The following RTEL1 variants were observed in gnomAD, a reference collection of about 807,000 sequenced individuals.
RTEL1 encodes the protein regulator of telomere length.
RTEL1 carries 86 observed loss-of-function variants against 162.2 expected under a neutral mutation model. The observed-to-expected ratio is 0.53, with a 90% confidence interval of 0.45 to 0.63. RTEL1 has a LOEUF of 0.63. Among genes scored for constraint, RTEL1 ranks in the 30% least tolerant of loss-of-function variants. The pLI is 0.00. For missense variants in RTEL1, 1,941 were observed against 1,750.2 expected, an observed-to-expected ratio of 1.11 and a Z score of -1.95; for synonymous variants, 958 against 717.9, an observed-to-expected ratio of 1.33 and a Z score of -5.35.
chr20:63,670,704 C>T (rs2090221688), intron 8 of RTEL1, among the ~76,000 whole-genome samples: 1 of 152,068 alleles, frequency 6.6e-6, no homozygotes, highest in Admixed American at 6.5e-5. Flanking sequence ...TCATATGTGG[C>T]CAGGCTCAGT....
rs751106916 is a variant in RTEL1 at position 63,692,880 on chromosome 20, G to C, written c.2728G>C (p.Ala910Pro). 1.2e-6 allele frequency: 2 copies of C among 1,612,666 alleles called. No individual in the cohort carries two copies. Among genetic ancestry groups the C allele is most frequent in the Non-Finnish European group, 1.7e-6 (2 of 1,179,862 alleles). ...MVAVKQELSQ[A>P]NFATFTQALQ... Reference sequence around the variant, plus strand: ...GGCCGTGAAGCAGGAGTTGAGCCAAGCCAACTTTGCCACCTTCACCCAGGC... The same window carrying C: ...GGCCGTGAAGCAGGAGTTGAGCCAACCCAACTTTGCCACCTTCACCCAGGC... Residue 910 changes from alanine (A) to proline (P), a missense_variant, in exon 29 of 35, where the codon GCC (alanine) becomes CCC (proline). By Grantham distance (27) the Ala-to-Pro change is conservative. Coordinates refer to ENST00000360203, the MANE Select transcript of RTEL1 (RefSeq NM_001283009.2).
At chr20:63,672,524 C>G (rs1227795184) in intron 8 of RTEL1, 32 bp from the exon 9 acceptor site, 1 of 1,538,724 alleles carries the variant, frequency 6.5e-7, no homozygotes, top group Non-Finnish European at 8.8e-7. Context: ...TCTGTGAGCT[C>G]CAGCGCTGCG....
At position 63,688,309 on chromosome 20, in the gene RTEL1, G is replaced by A. The variant is rs1408202470; in HGVS notation, c.1645G>A (p.Ala549Thr). ...SSLGKALGNI[A>T]RVVPYGLLIF... ...GGCCCCTGCACTTCCAGGCAACATC[G>A]CCCGCGTGGTGCCCTATGGGCTCCT... is the stretch of plus-strand genomic sequence containing the variant. The change falls in exon 20 of 35, where the codon GCC (alanine) becomes ACC (threonine). Residue 549 changes from alanine (A) to threonine (T), a missense_variant. Ala to Thr is a moderately conservative substitution (Grantham distance 58, BLOSUM62 0). Coordinates refer to ENST00000360203, the MANE Select transcript of RTEL1 (RefSeq NM_001283009.2). The A allele has an allele frequency of 3.7e-6, 6 of 1,612,244 alleles. No homozygotes were observed. Among genetic ancestry groups the A allele is most frequent in the East Asian group, 4.5e-5 (2 of 44,892 alleles).
At position 63,695,977 on chromosome 20, in the gene RTEL1, T is replaced by G. The variant is rs925174548; in HGVS notation, c.*119T>G. 1.9e-6 allele frequency: 2 copies of G among 1,028,984 alleles called. No homozygotes were observed. Among genetic ancestry groups the G allele is most frequent in the Non-Finnish European group, 2.8e-6 (2 of 712,206 alleles). The allele number at this position is 1,028,984 out of a possible 1,614,324, so 63.7% of individuals were successfully genotyped here. On this transcript the variant is annotated 3_prime_UTR_variant, in exon 35 of 35. Transcript: ENST00000360203. ...GCCCATGCCAGCCGGCTTGGCCCGC[T>G]GCAGGCCTCAGGCAGGCGGGGCCCA...
chr20:63,674,176 C>T lies in RTEL1; in HGVS notation c.919+83C>T. 3.3e-6 allele frequency: 5 copies of T among 1,522,760 alleles called. No individual in the cohort carries two copies. The South Asian group carries it at 6.4e-5, about 20-fold the overall frequency. 94.3% of individuals were successfully genotyped at this position (1,522,760 alleles called of 1,614,324 possible). A position where few individuals can be genotyped will look rare whatever the true frequency, so the allele number is the denominator to read the frequency against. On this transcript the variant is annotated intron_variant, in intron 10 of 34. Transcript: ENST00000360203. ...CACCCGGAGTTCAGCACGGACTCCC[C>T]CAGCCCAGGTGCGTTCATAGCCAGG...
At chr20:63,690,241 T>C in intron 25 of RTEL1, 31 bp downstream of exon 25, 1 of 1,608,398 alleles carries the variant, frequency 6.2e-7, no homozygotes, top group Non-Finnish European at 8.5e-7. Context: ...GGGATGAGGG[T>C]GTTGTCCCCA....
At chr20:63,693,483 A>ACCACCACCACCTCCACCT (rs2090843638) in intron 30 of RTEL1, among the ~76,000 whole-genome samples, 200 bp downstream of exon 30, 1 of 35,850 alleles carries the variant, frequency 2.8e-5, no homozygotes, top group East Asian at 7.4e-4. Flanking sequence ...CTCCACCTCC[A>ACCACCACCACCTCCACCT]CCACCACCTC....
Position 63,692,975 on chromosome 20 carries a change from G to C in RTEL1, c.2823G>C (p.Glu941Asp), listed in dbSNP as rs61736614. The C allele has an allele frequency of 6.2e-3, 9,951 of 1,612,596 alleles. 515 individuals are homozygous for C. The African/African-American group carries it at 0.11, about 18-fold the overall frequency. Residue 941 changes from glutamate (E) to aspartate (D), a missense_variant, in exon 29 of 35, where the codon GAG (glutamate) becomes GAC (aspartate). Coordinates refer to ENST00000360203, the MANE Select transcript of RTEL1 (RefSeq NM_001283009.2). ...CCTGTCTCGGCCCCCTCTTTGCTGA[G>C]GACCCCAAGAAGCACAACCTGCTCC... is the stretch of plus-strand genomic sequence containing the variant. ...LAACLGPLFA[E>D]DPKKHNLLQG...
intron 34 of RTEL1, 27 bp from the exon 35 acceptor site, chr20:63,695,751 G>C (rs111967860): frequency 1.3e-6 from 2 of 1,590,278 alleles, no homozygotes; most frequent in Admixed American, 3.5e-5. Context: ...CCTGGCAGAC[G>C]TGTGCAGTGG....
chr20:63,688,100 G>C (rs1046545209), intron 18 of RTEL1, 39 bp from the exon 19 acceptor site: 1 of 1,612,330 alleles, frequency 6.2e-7, no homozygotes, highest in South Asian at 1.1e-5. Flanking sequence ...GGGGAGCACT[G>C]AGGCCTGAGG....
chr20:63,659,915 A>C (rs1009253668), intron 2 of RTEL1, among the ~76,000 whole-genome samples: 1 of 152,230 alleles, frequency 6.6e-6, no homozygotes, highest in African/African-American at 2.4e-5. Context: ...CAGGACAGCA[A>C]GGTGATAGTG....
chr20:63,695,234 C>T lies in RTEL1; in HGVS notation c.3499+13C>T, dbSNP rs776151813. The T allele has an allele frequency of 7.5e-6, 12 of 1,609,420 alleles. No individual in the cohort carries two copies. The highest frequency in any genetic ancestry group is 1.7e-5 in the Admixed American group (1 of 59,884). On this transcript the variant is annotated intron_variant, in intron 33 of 34. Transcript: ENST00000360203. ...GCTCCCCAACCAGGTAGGGCACCTG[C>T]CTGGCTGCTCCTGGCAGCGCCCCAA...
At chr20:63,681,747 C>T in intron 14 of RTEL1, 2 of 985,330 alleles carry the variant, frequency 2.0e-6, no homozygotes, top group Non-Finnish European at 1.2e-6. Flanking sequence ...CTCAGCCCTC[C>T]CTCCACTGTG....
intron 9 of RTEL1, among the ~76,000 whole-genome samples, 199 bp downstream of exon 9, chr20:63,672,820 G>A (rs554924194): frequency 6.6e-6 from 1 of 152,336 alleles, no homozygotes; most frequent in Admixed American, 6.5e-5. Context: ...AGACTGGCCA[G>A]CTGGGCCAGG....
At position 63,682,236 on chromosome 20, in the gene RTEL1, A is replaced by C. The variant is rs1049638518; in HGVS notation, c.1191+1517A>C. 4 of 985,418 alleles carry C rather than the reference A, an allele frequency of 4.1e-6. No homozygotes were observed. The African/African-American group carries it at 7.0e-5, about 17-fold the overall frequency. The allele number at this position is 985,418 out of a possible 1,614,324, so 61.0% of individuals were successfully genotyped here. ...AATGCGGCTTCCAAGGCTTCCAGCTATGGAGAAGACTCCACACTCTGGAAC... is the reference window on the plus strand; with the variant it reads ...AATGCGGCTTCCAAGGCTTCCAGCTCTGGAGAAGACTCCACACTCTGGAAC... On this transcript the variant is annotated intron_variant, in intron 14 of 34. Coordinates refer to ENST00000360203, the MANE Select transcript of RTEL1 (RefSeq NM_001283009.2).
chr20:63,667,056 G>C (rs1010626092), intron 7 of RTEL1, among the ~76,000 whole-genome samples: 1 of 151,594 alleles, frequency 6.6e-6, no homozygotes, highest in East Asian at 1.9e-4. Context: ...AGCCAGGATG[G>C]TCTCGATCTT....
intron 14 of RTEL1, among the ~76,000 whole-genome samples, chr20:63,684,379 G>A (rs1382372859): frequency 6.6e-6 from 1 of 152,128 alleles, no homozygotes; most frequent in Non-Finnish European, 1.5e-5. Context: ...TTGAGACAGA[G>A]TTTTGCTCTT....
rs140411308 is a variant in RTEL1 at position 63,695,342 on chromosome 20, G to A, written c.3514G>A (p.Glu1172Lys). 1.5e-5 allele frequency: 23 copies of A among 1,553,890 alleles called. No individual in the cohort carries two copies. The highest frequency in any genetic ancestry group is 3.7e-5 in the Admixed American group (2 of 53,346). The change falls in exon 34 of 35, where the codon GAG becomes AAG. Residue 1172 changes from glutamate to lysine, a missense_variant. By Grantham distance (56) the Glu-to-Lys change is moderately conservative. Coordinates refer to ENST00000360203, the MANE Select transcript of RTEL1 (RefSeq NM_001283009.2). ...TCTGTCTCCAGGCCCCTCACGGTCC[G>A]AGAAGACCGGGAAGACCCAGAGCAA... The part of the protein sequence containing the change: ...RAPQPGPSRS[E>K]KTGKTQSKIS...
chr20:63,683,400 C>G (rs1317352463), intron 14 of RTEL1, among the ~76,000 whole-genome samples: 2 of 152,220 alleles, frequency 1.3e-5, no homozygotes, highest in South Asian at 4.1e-4. Context: ...ACACAAGGCC[C>G]TGTGTTTAGC....
Sources: gnomAD v4.1 joint callset for allele counts (sites outside exome capture counted in the v4.1 genomes callset) on GRCh38, gnomAD v4.1.1 for gene constraint, MANE v1.5 for transcripts, NCBI Gene and HGNC (gene_info 2026-07-23, HGNC 2026-07-21) for gene names.